Variants in CSMD1 observed in about 807,000 individuals in gnomAD.
The protein encoded by CSMD1 is CUB and Sushi multiple domains 1.
Under a neutral mutation model 417.5 loss-of-function variants are expected in CSMD1, and 213 were observed. That is an observed-to-expected ratio of 0.51 (90% CI 0.46 to 0.57). CSMD1 has a LOEUF of 0.57. Among genes scored for constraint, CSMD1 ranks in the 20% least tolerant of loss-of-function variants. CSMD1 has a pLI of 0.00. For synonymous variants in CSMD1, 2,862 were observed against 1,736.8 expected (o/e 1.65, Z -16.11); for missense variants, 6,923 against 4,529.7 (o/e 1.53, Z -15.17).
At chr8:3,272,861 A>G (rs1244782240) in intron 26 of CSMD1, among the ~76,000 whole-genome samples, 2 of 150,540 alleles carry the variant, frequency 1.3e-5, no homozygotes, top group Non-Finnish European at 2.9e-5. Flanking sequence ...CAGATATACA[A>G]TCATGTCGTC....
intron 38 of CSMD1, 36 bp downstream of exon 38, chr8:3,162,123 G>T: frequency 7.7e-7 from 1 of 1,304,112 alleles, no homozygotes; most frequent in South Asian, 1.3e-5. Context: ...AGATGACCAT[G>T]TGTATGTTAT....
chr8:3,229,543 A>G (rs193036751), intron 27 of CSMD1, among the ~76,000 whole-genome samples: 21 of 152,308 alleles, frequency 1.4e-4, no homozygotes, highest in Non-Finnish European at 2.1e-4. Flanking sequence ...TAAATTTCAG[A>G]AACAAACCTC....
intron 5 of CSMD1, among the ~76,000 whole-genome samples, chr8:3,774,202 T>C (rs1780364156): frequency 6.6e-6 from 1 of 152,182 alleles, no homozygotes; most frequent in Non-Finnish European, 1.5e-5. Context: ...TTCAACCTTA[T>C]AATTTTCTCT....
At chr8:4,114,713 G>A (rs566009612) in intron 3 of CSMD1, among the ~76,000 whole-genome samples, 2 of 152,240 alleles carry the variant, frequency 1.3e-5, no homozygotes, top group Admixed American at 6.5e-5. Context: ...AAAATGAATA[G>A]GAGTTTAGAA....
At chr8:4,268,583 C>T (rs1804370394) in intron 3 of CSMD1, among the ~76,000 whole-genome samples, 1 of 151,990 alleles carries the variant, frequency 6.6e-6, no homozygotes, top group Admixed American at 6.6e-5. Context: ...TCCTCATTTC[C>T]AAAGACTTAT....
intron 5 of CSMD1, among the ~76,000 whole-genome samples, chr8:3,768,901 G>C (rs1045642643): frequency 6.6e-6 from 1 of 152,220 alleles, no homozygotes; most frequent in Non-Finnish European, 1.5e-5. Flanking sequence ...CTTTGAAGGA[G>C]GGTCTACTTA....
intron 1 of CSMD1, among the ~76,000 whole-genome samples, chr8:4,909,582 G>A (rs1042386535): frequency 6.6e-6 from 1 of 152,120 alleles, no homozygotes; most frequent in African/African-American, 2.4e-5. Flanking sequence ...GAGGTAAGAA[G>A]GGATATTCCT....
At chr8:4,592,950 T>C (rs1472425662) in intron 2 of CSMD1, among the ~76,000 whole-genome samples, 7 of 152,240 alleles carry the variant, frequency 4.6e-5, no homozygotes, top group African/African-American at 9.6e-5. Context: ...AGGTTTGCTG[T>C]AGTTTTCTTT....
intron 1 of CSMD1, among the ~76,000 whole-genome samples, chr8:4,948,685 A>C (rs1317987625): frequency 6.6e-6 from 1 of 152,102 alleles, no homozygotes; most frequent in Non-Finnish European, 1.5e-5. Context: ...ATTTTTAAAT[A>C]ATTTGTGTGT....
At chr8:3,780,622 G>C (rs1563072801) in intron 5 of CSMD1, among the ~76,000 whole-genome samples, 1 of 152,078 alleles carries the variant, frequency 6.6e-6, no homozygotes, top group Admixed American at 6.5e-5. Context: ...CATCAAACTG[G>C]GCCTGCTCCC....
chr8:3,731,935 C>T (rs1796287014), intron 6 of CSMD1, among the ~76,000 whole-genome samples: 1 of 152,046 alleles, frequency 6.6e-6, no homozygotes, highest in African/African-American at 2.4e-5. Flanking sequence ...GGTTTGAAAC[C>T]ATACAATGGA....
chr8:3,692,446 T>C (rs1585084354), intron 7 of CSMD1, among the ~76,000 whole-genome samples: 1 of 62,208 alleles, frequency 1.6e-5, no homozygotes, highest in Admixed American at 1.3e-4. Flanking sequence ...TTAACAATAA[T>C]TTTTTTTTTT....
At chr8:3,781,488 G>A (rs1016885585) in intron 5 of CSMD1, among the ~76,000 whole-genome samples, 82 of 136,954 alleles carry the variant, frequency 6.0e-4, no homozygotes, top group African/African-American at 2.5e-3. Context: ...GTTGCACCAC[G>A]TGGTGCCCCT....
chr8:3,320,900 A>G (rs78493633), intron 23 of CSMD1, among the ~76,000 whole-genome samples: 1,679 of 152,316 alleles, frequency 0.011, 21 homozygotes, highest in East Asian at 0.075. Context: ...CATATTCTGC[A>G]CCTCACTGAC....
chr8:3,647,130 G>C (rs1335638532), intron 7 of CSMD1, among the ~76,000 whole-genome samples: 1 of 152,128 alleles, frequency 6.6e-6, no homozygotes, highest in Admixed American at 6.6e-5. Flanking sequence ...ATAAATCATA[G>C]GAATGTAAGC....
chr8:4,923,300 G>A (rs1806623883), intron 1 of CSMD1, among the ~76,000 whole-genome samples: 1 of 152,096 alleles, frequency 6.6e-6, no homozygotes, highest in African/African-American at 2.4e-5. Context: ...CAAAGGCAAT[G>A]TGAGTTGATG....
At chr8:3,813,215 T>TA in intron 5 of CSMD1, among the ~76,000 whole-genome samples, 1 of 151,608 alleles carries the variant, frequency 6.6e-6, no homozygotes, top group South Asian at 2.1e-4. Context: ...TCCTTGCTAA[T>TA]AAAAAAGAGG....
chr8:3,841,575 A>C (rs1803134759), intron 5 of CSMD1, among the ~76,000 whole-genome samples: 1 of 152,132 alleles, frequency 6.6e-6, no homozygotes, highest in South Asian at 2.1e-4. Flanking sequence ...TTTATCACAA[A>C]ATCACCAAAT....
At chr8:3,766,637 G>A (rs1427456108) in intron 5 of CSMD1, among the ~76,000 whole-genome samples, 2 of 151,812 alleles carry the variant, frequency 1.3e-5, no homozygotes, top group Non-Finnish European at 2.9e-5. Context: ...TCCACGCACA[G>A]TCGATACTCA....
Sources: allele counts gnomAD v4.1 joint callset (sites outside exome capture counted in the v4.1 genomes callset), GRCh38; gene constraint gnomAD v4.1.1; transcripts MANE v1.5; gene names NCBI Gene and HGNC (gene_info 2026-07-23, HGNC 2026-07-21).